CDH13: variants seen among roughly 807,000 people sequenced by gnomAD.
CDH13 encodes cadherin-13.
CDH13 carries 24 observed loss-of-function variants against 63.8 expected under a neutral mutation model. That is an observed-to-expected ratio of 0.38 (90% CI 0.27 to 0.53). CDH13 has a LOEUF of 0.53. CDH13 is among the 20% of genes least tolerant of loss of function. CDH13 has a pLI of 0.85. For missense variants in CDH13, 1,049 were observed against 903.1 expected, an observed-to-expected ratio of 1.16 and a Z score of -2.07; for synonymous variants, 503 against 355.3, an observed-to-expected ratio of 1.42 and a Z score of -4.67.
At chr16:83,751,132 A>G (rs749318894) in intron 11 of CDH13, among the ~76,000 whole-genome samples, 4 of 152,158 alleles carry the variant, frequency 2.6e-5, no homozygotes, top group Non-Finnish European at 5.9e-5. Context: ...TAAGGTTGGA[A>G]CTGGGTCTTG....
chr16:83,320,862 G>C (rs2090208440), intron 5 of CDH13, among the ~76,000 whole-genome samples: 1 of 152,184 alleles, frequency 6.6e-6, no homozygotes, highest in Non-Finnish European at 1.5e-5. Context: ...TTACCGAACA[G>C]ATTTTAGGGA....
chr16:83,395,222 G>C (rs1232916615), intron 6 of CDH13, among the ~76,000 whole-genome samples: 1 of 151,752 alleles, frequency 6.6e-6, no homozygotes, highest in Non-Finnish European at 1.5e-5. Context: ...GCTGAGGCAG[G>C]AGAATCACTG....
At chr16:82,935,369 G>C (rs919285508) in intron 2 of CDH13, among the ~76,000 whole-genome samples, 41 of 152,138 alleles carry the variant, frequency 2.7e-4, no homozygotes, top group Non-Finnish European at 4.1e-4. Context: ...TTATGATTTG[G>C]ATTACAATTC....
intron 6 of CDH13, among the ~76,000 whole-genome samples, chr16:83,468,573 A>G (rs1017698441): frequency 6.6e-6 from 1 of 152,044 alleles, no homozygotes; most frequent in Non-Finnish European, 1.5e-5. Context: ...AGAACACAGA[A>G]CTGAGGAGAC....
intron 5 of CDH13, among the ~76,000 whole-genome samples, chr16:83,304,932 A>G (rs919460116): frequency 1.3e-5 from 2 of 152,144 alleles, no homozygotes; most frequent in African/African-American, 4.8e-5. Context: ...TATTCATAGC[A>G]GAACTTTCCC....
At chr16:82,880,368 G>T (rs147240856) in intron 2 of CDH13, among the ~76,000 whole-genome samples, 40 of 152,246 alleles carry the variant, frequency 2.6e-4, no homozygotes, top group African/African-American at 8.7e-4. Context: ...CCGCTGGGTT[G>T]ATTGCTTCAT....
intron 5 of CDH13, among the ~76,000 whole-genome samples, chr16:83,340,324 G>GTGTGTA (rs1420350423): frequency 3.9e-5 from 6 of 151,952 alleles, no homozygotes; most frequent in Admixed American, 6.6e-5. Context: ...GTGTGTGTGT[G>GTGTGTA]TGTATGTGCG....
At chr16:82,739,811 C>T (rs1439924495) in intron 1 of CDH13, among the ~76,000 whole-genome samples, 4 of 152,068 alleles carry the variant, frequency 2.6e-5, no homozygotes, top group Non-Finnish European at 5.9e-5. Flanking sequence ...GTAATATTTA[C>T]CTGAATAGTA....
At chr16:82,920,328 T>C (rs1422554277) in intron 2 of CDH13, among the ~76,000 whole-genome samples, 1 of 152,190 alleles carries the variant, frequency 6.6e-6, no homozygotes, top group African/African-American at 2.4e-5. Context: ...AGCTCCAGGC[T>C]CACATCCATC....
At position 83,067,748 on chromosome 16, in the gene CDH13, A is replaced by G. The variant is rs796513366; in HGVS notation, c.366+35530A>G. On this transcript the variant is annotated intron_variant, in intron 3 of 13. Coordinates refer to ENST00000567109, the MANE Select transcript of CDH13 (RefSeq NM_001257.5). ...GATGAAGAAAAGCATTTTAATGAAA[A>G]AGGAAAAGCAGAGAGCAGAGTAGTA... 2.0e-5 allele frequency among the ~76,000 whole-genome samples: 3 copies of G among 152,174 alleles called. No individual in the cohort carries two copies. The South Asian group carries it at 6.2e-4, about 32-fold the overall frequency.
intron 1 of CDH13, among the ~76,000 whole-genome samples, chr16:82,808,030 G>C (rs2037240771): frequency 6.6e-6 from 1 of 152,116 alleles, no homozygotes; most frequent in African/African-American, 2.4e-5. Context: ...CTGAGCTCTA[G>C]GCAAGGGGCA....
At chr16:83,465,457 C>A (rs2073287262) in intron 6 of CDH13, among the ~76,000 whole-genome samples, 1 of 152,220 alleles carries the variant, frequency 6.6e-6, no homozygotes, top group African/African-American at 2.4e-5. Flanking sequence ...AGATGTAACA[C>A]CAACCCTTTC....
chr16:83,452,861 A>G (rs1278240914), intron 6 of CDH13, among the ~76,000 whole-genome samples: 1 of 152,210 alleles, frequency 6.6e-6, no homozygotes, highest in Admixed American at 6.5e-5. Context: ...TATTAGTCTC[A>G]GTCAGTTTCC....
rs993561921 is a variant in CDH13 at position 83,337,058 on chromosome 16, C to T, written c.637-7804C>T. On this transcript the variant is annotated intron_variant, in intron 5 of 13. Transcript: ENST00000567109. Reference sequence around the variant, plus strand: ...TAATAGTTCGCCATGAAGCTGAAGGCCACGCAGGCTTTGTAATTTGGTTCA... The same window carrying T: ...TAATAGTTCGCCATGAAGCTGAAGGTCACGCAGGCTTTGTAATTTGGTTCA... Among the ~76,000 whole-genome samples, 4 of 152,150 alleles carry T rather than the reference C, an allele frequency of 2.6e-5. No homozygotes were observed. The South Asian group carries it at 6.2e-4, about 24-fold the overall frequency.
At chr16:83,281,031 C>G (rs1467310404) in intron 5 of CDH13, among the ~76,000 whole-genome samples, 1 of 152,136 alleles carries the variant, frequency 6.6e-6, no homozygotes, top group East Asian at 1.9e-4. Flanking sequence ...CAATTTTACC[C>G]CCTAACCAGA....
intron 1 of CDH13, among the ~76,000 whole-genome samples, chr16:82,634,211 T>A (rs578007629): frequency 6.6e-6 from 1 of 152,334 alleles, no homozygotes; most frequent in South Asian, 2.1e-4. Flanking sequence ...TGGAGGAGCC[T>A]GGGGAATGGA....
intron 4 of CDH13, among the ~76,000 whole-genome samples, chr16:83,160,757 G>C (rs1459528421): frequency 6.6e-6 from 1 of 152,204 alleles, no homozygotes; most frequent in East Asian, 1.9e-4. Flanking sequence ...TGAGCTCAGA[G>C]ATGCTCGGAA....
intron 1 of CDH13, among the ~76,000 whole-genome samples, chr16:82,667,852 C>G (rs549064644): frequency 1.1e-4 from 16 of 152,256 alleles, no homozygotes. Context: ...GTTAGGGAGC[C>G]TTTTCAATCT....
At chr16:82,969,473 A>G (rs1025403849) in intron 2 of CDH13, among the ~76,000 whole-genome samples, 2 of 112,672 alleles carry the variant, frequency 1.8e-5, no homozygotes, top group African/African-American at 3.1e-5. Flanking sequence ...TATTTTCTGC[A>G]TATTCTTTTT....
Sources: allele counts gnomAD v4.1 joint callset (sites outside exome capture counted in the v4.1 genomes callset), GRCh38; gene constraint gnomAD v4.1.1; transcripts MANE v1.5; gene names NCBI Gene and HGNC (gene_info 2026-07-23, HGNC 2026-07-21).